PAQR8: variants seen among roughly 807,000 people sequenced by gnomAD.
PAQR8 encodes the protein progestin and adipoQ receptor family member 8, also known as membrane progestin receptor beta.
PAQR8 carries 17 observed loss-of-function variants against 25.2 expected under a neutral mutation model. The observed-to-expected ratio is 0.67, with a 90% CI of 0.46 to 1.01. The LOEUF (loss-of-function observed/expected upper bound fraction) is 1.01. PAQR8 is among the 50% of genes least tolerant of loss of function. The pLI, the probability that PAQR8 is intolerant of heterozygous loss-of-function variation, is 0.00. For missense variants in PAQR8, 392 were observed against 448.4 expected (o/e 0.87, Z 1.14); for synonymous variants, 204 against 190.6 (o/e 1.07, Z -0.58).
At chr6:52,377,513 A>G (rs1456777966) in intron 1 of PAQR8, among the ~76,000 whole-genome samples, 1 of 152,116 alleles carries the variant, frequency 6.6e-6, no homozygotes, top group Non-Finnish European at 1.5e-5. Context: ...TATAGCTTTG[A>G]TTAATCACAG....
chr6:52,393,579 G>A (rs1005021789), intron 1 of PAQR8, among the ~76,000 whole-genome samples: 19 of 151,944 alleles, frequency 1.3e-4, no homozygotes, highest in Non-Finnish European at 1.9e-4. Context: ...TATCCTCCCC[G>A]TTCGGCTTCC....
At chr6:52,389,912 A>G (rs1399911110) in intron 1 of PAQR8, among the ~76,000 whole-genome samples, 1 of 152,220 alleles carries the variant, frequency 6.6e-6, no homozygotes, top group Admixed American at 6.5e-5. Context: ...GTGAGAAGCT[A>G]GATCTAGTTG....
At chr6:52,401,997 TTA>T (rs1488739996) in intron 1 of PAQR8, among the ~76,000 whole-genome samples, 1 of 152,246 alleles carries the variant, frequency 6.6e-6, no homozygotes, top group Non-Finnish European at 1.5e-5. Flanking sequence ...TATCACTAAA[TTA>T]TGTTAGGGTA....
chr6:52,394,738 T>C (rs1006014584), intron 1 of PAQR8, among the ~76,000 whole-genome samples: 1 of 152,154 alleles, frequency 6.6e-6, no homozygotes, highest in Non-Finnish European at 1.5e-5. Context: ...ATTAAATGCA[T>C]TTTCAACTTA....
intron 1 of PAQR8, among the ~76,000 whole-genome samples, chr6:52,393,748 G>A (rs2146313): frequency 0.092 from 13,939 of 152,232 alleles, 890 homozygotes; most frequent in Non-Finnish European, 0.14. Flanking sequence ...GGATCTTGCA[G>A]TTTAGTGGTC....
intron 1 of PAQR8, among the ~76,000 whole-genome samples, chr6:52,384,132 T>C (rs1012557447): frequency 1.3e-5 from 2 of 152,196 alleles, no homozygotes; most frequent in African/African-American, 4.8e-5. Context: ...TCACTCTTGA[T>C]TTCAAGGCTT....
intron 1 of PAQR8, among the ~76,000 whole-genome samples, chr6:52,392,543 CCAAA>C (rs893484400): frequency 6.6e-6 from 1 of 152,130 alleles, no homozygotes; most frequent in Non-Finnish European, 1.5e-5. Flanking sequence ...GTCTTCAGTA[CCAAA>C]CAATGCCAGT....
chr6:52,364,381 TCTGCACTATCATTC>T (rs1343419090), intron 1 of PAQR8, among the ~76,000 whole-genome samples: 2 of 152,234 alleles, frequency 1.3e-5, no homozygotes, highest in African/African-American at 4.8e-5. Context: ...TGCATCAAAA[TCTGCACTATCATTC>T]CTGCAGCAGT....
intron 1 of PAQR8, among the ~76,000 whole-genome samples, chr6:52,388,379 A>G (rs113186759): frequency 3.9e-5 from 5 of 129,626 alleles, no homozygotes; most frequent in East Asian, 2.0e-4. Flanking sequence ...CTGTGTCAGG[A>G]AAAAAAAAAA....
At chr6:52,394,991 G>T (rs1190657963) in intron 1 of PAQR8, among the ~76,000 whole-genome samples, 1 of 151,886 alleles carries the variant, frequency 6.6e-6, no homozygotes, top group African/African-American at 2.4e-5. Flanking sequence ...TCCCGGCCGG[G>T]CACAGTGACT....
Position 52,386,178 on chromosome 6 carries a change from T to A in PAQR8, c.-52-16984T>A, listed in dbSNP as rs1194717405. Among the ~76,000 whole-genome samples, 2 of 74,680 alleles carry A rather than the reference T, an allele frequency of 2.7e-5. 1 individual carries two copies. Among genetic ancestry groups the A allele is most frequent in the Non-Finnish European group, 5.6e-5 (2 of 35,540 alleles). The allele number at this position is 74,680 out of a possible 152,430, so 49.0% of individuals were successfully genotyped here. On this transcript the variant is annotated intron_variant, in intron 1 of 1. Transcript: ENST00000442253. ...TCACACCAGTCAGAATGGCTATTAT[T>A]TAAATTAAAAAAAAATAACAGGTGT... is the stretch of plus-strand genomic sequence containing the variant.
chr6:52,369,081 T>C (rs1018310845), intron 1 of PAQR8, among the ~76,000 whole-genome samples: 2 of 152,218 alleles, frequency 1.3e-5, no homozygotes, highest in Admixed American at 1.3e-4. Context: ...TATTTTCCTA[T>C]GTGAGGAATA....
chr6:52,398,204 C>CTTT (rs869285681), intron 1 of PAQR8, among the ~76,000 whole-genome samples: 7 of 85,806 alleles, frequency 8.2e-5, no homozygotes, highest in African/African-American at 1.5e-4. Context: ...TTTCTTTTTT[C>CTTT]TTTTTTTTTT....
intron 1 of PAQR8, among the ~76,000 whole-genome samples, chr6:52,368,431 G>C (rs1763379684): frequency 6.6e-6 from 1 of 151,960 alleles, no homozygotes; most frequent in Admixed American, 6.6e-5. Flanking sequence ...TTTAATTTTT[G>C]GGTGTGAGTT....
intron 1 of PAQR8, among the ~76,000 whole-genome samples, chr6:52,387,189 TG>T (rs1196233304): frequency 2.0e-5 from 3 of 152,222 alleles, no homozygotes; most frequent in Admixed American, 2.0e-4. Flanking sequence ...AGAGCCCTGA[TG>T]GGATGTCTTG....
chr6:52,387,490 T>TA lies in PAQR8; in HGVS notation c.-52-15668dup, dbSNP rs1010984693. Among the ~76,000 whole-genome samples, 170 of 152,358 alleles carry TA rather than the reference T, an allele frequency of 1.1e-3. 1 individual carries two copies. The highest frequency in any genetic ancestry group is 3.8e-3 in the African/African-American group (160 of 41,578). On this transcript the variant is annotated intron_variant, in intron 1 of 1. Transcript: ENST00000442253. The stretch of plus-strand genomic sequence containing the variant: ...ATTCTCACAATCAAGTAACACAAGC[T>TA]AAAATCTTTGAAAAAATATTTTGAA...
chr6:52,395,136 C>T (rs979512057), intron 1 of PAQR8, among the ~76,000 whole-genome samples: 5 of 151,986 alleles, frequency 3.3e-5, no homozygotes, highest in Non-Finnish European at 5.9e-5. Context: ...GGCATAGTGG[C>T]ATGCACCTGC....
intron 1 of PAQR8, among the ~76,000 whole-genome samples, chr6:52,398,386 T>A (rs1013533005): frequency 6.6e-6 from 1 of 151,804 alleles, no homozygotes; most frequent in Non-Finnish European, 1.5e-5. Context: ...TTTTGTATTT[T>A]TAGTAGTGAC....
chr6:52,392,728 G>T (rs891788344), intron 1 of PAQR8, among the ~76,000 whole-genome samples: 2 of 152,170 alleles, frequency 1.3e-5, no homozygotes, highest in African/African-American at 2.4e-5. Flanking sequence ...CACTACACCA[G>T]TTCTGTAAAG....
Sources: allele counts gnomAD v4.1 joint callset (sites outside exome capture counted in the v4.1 genomes callset), GRCh38; gene constraint gnomAD v4.1.1; transcripts MANE v1.5; gene names NCBI Gene and HGNC (gene_info 2026-07-23, HGNC 2026-07-21).